The following PCDH15 variants were observed in gnomAD, a reference collection of about 807,000 sequenced individuals.
PCDH15 encodes the protein protocadherin related 15.
PCDH15 carries 129 observed loss-of-function variants against 178.5 expected under a neutral mutation model. That is an observed-to-expected ratio of 0.72 (90% CI 0.63 to 0.84). PCDH15 has a LOEUF of 0.84. PCDH15 is among the 40% of genes least tolerant of loss of function. The pLI, the probability that PCDH15 is intolerant of heterozygous loss-of-function variation, is 0.00. For missense variants in PCDH15, 2,230 were observed against 2,099.9 expected (o/e 1.06, Z -1.21); for synonymous variants, 800 against 732.0 (o/e 1.09, Z -1.50).
intron 15 of PCDH15, among the ~76,000 whole-genome samples, chr10:54,091,102 G>C (rs1448990023): frequency 6.6e-6 from 1 of 152,090 alleles, no homozygotes; most frequent in East Asian, 1.9e-4. Flanking sequence ...CTGAGGTCTG[G>C]AGTTTTACCT....
rs150346064 is a variant in PCDH15, at chr10:55,266,069, C to A, written c.-156+53530G>T. ...CCCATAGAAGGTTTAATACCTTTCA[C>A]CAGGGTGAAACACCTCAGGGTACAA... On this transcript the variant is annotated intron_variant, in intron 1 of 5. Transcript: ENST00000458638. Among the ~76,000 whole-genome samples the A allele has an allele frequency of 1.4e-3, 219 of 152,322 alleles. 5 individuals carry two copies. In the East Asian group the frequency reaches 0.031, roughly 22 times the overall value.
chr10:55,484,549 A>G (rs1840257391), intron 2 of PCDH15, among the ~76,000 whole-genome samples: 1 of 151,756 alleles, frequency 6.6e-6, no homozygotes, highest in Admixed American at 6.6e-5. Flanking sequence ...AATAATCCTA[A>G]AATATGTATG....
In PCDH15 at chr10:55,174,576, C is replaced by A. The variant is rs1839427360; in HGVS notation, c.-155-7925G>T. 1.3e-5 allele frequency among the ~76,000 whole-genome samples: 2 copies of A among 152,162 alleles called. 1 individual carries two copies. The highest frequency in any genetic ancestry group is 4.1e-4 in the South Asian group (2 of 4,826). On this transcript the variant is annotated intron_variant, in intron 1 of 5. Coordinates refer to the PCDH15 transcript ENST00000458638. Reference sequence around the variant, plus strand: ...CCTTGCATGATATTCCAAAGCTTTGCCAACATTGTAGAATTGATCTAGCCC... The same window carrying A: ...CCTTGCATGATATTCCAAAGCTTTGACAACATTGTAGAATTGATCTAGCCC...
chr10:55,270,304 A>C (rs542461355), intron 1 of PCDH15, among the ~76,000 whole-genome samples: 52 of 152,306 alleles, frequency 3.4e-4, no homozygotes, highest in African/African-American at 1.2e-3. Flanking sequence ...AATTAAACTA[A>C]AGAGTGTCTG....
chr10:55,034,999 A>G (rs1428306478), intron 2 of PCDH15, among the ~76,000 whole-genome samples: 1 of 152,170 alleles, frequency 6.6e-6, no homozygotes, highest in South Asian at 2.1e-4. Flanking sequence ...CTGGGAGGAT[A>G]CAGCTGCTTT....
intron 1 of PCDH15, among the ~76,000 whole-genome samples, chr10:55,311,792 T>C (rs1843592686): frequency 6.6e-6 from 1 of 152,180 alleles, no homozygotes; most frequent in South Asian, 2.1e-4. Context: ...GGTAACTCAC[T>C]GTACACTCAC....
At chr10:54,733,083 G>C (rs906041434) in intron 1 of PCDH15, among the ~76,000 whole-genome samples, 3 of 151,480 alleles carry the variant, frequency 2.0e-5, no homozygotes, top group East Asian at 3.9e-4. Flanking sequence ...GACAAAGCAA[G>C]TATATCTCTT....
intron 2 of PCDH15, among the ~76,000 whole-genome samples, chr10:55,392,252 C>A (rs1837810792): frequency 6.6e-6 from 1 of 152,110 alleles, no homozygotes; most frequent in Admixed American, 6.6e-5. Flanking sequence ...TGAGCACATT[C>A]TCTTGGAAAA....
At chr10:55,626,968 A>G (rs867191154) in intron 2 of PCDH15, among the ~76,000 whole-genome samples, 2 of 152,288 alleles carry the variant, frequency 1.3e-5, no homozygotes, top group Admixed American at 6.5e-5. Context: ...GAGAGAGAGA[A>G]AGAAGGAAGG....
At chr10:54,305,198 T>G (rs2060388970) in intron 8 of PCDH15, among the ~76,000 whole-genome samples, 1 of 152,054 alleles carries the variant, frequency 6.6e-6, no homozygotes, top group African/African-American at 2.4e-5. Context: ...TAAAATGCAT[T>G]AGCATGTCCT....
chr10:55,017,894 A>G (rs4363501), intron 2 of PCDH15, among the ~76,000 whole-genome samples: 58,832 of 151,892 alleles, frequency 0.39, 13,458 homozygotes, highest in East Asian at 0.5. Flanking sequence ...ACAATTATCA[A>G]ATTTTAATTT....
chr10:54,917,097 G>A (rs1379845570), intron 2 of PCDH15, among the ~76,000 whole-genome samples: 2 of 152,148 alleles, frequency 1.3e-5, no homozygotes, highest in South Asian at 2.1e-4. Context: ...CAATGCCTAT[G>A]GTACTGGACA....
intron 3 of PCDH15, among the ~76,000 whole-genome samples, chr10:54,443,016 T>A (rs766484761): frequency 6.6e-6 from 1 of 151,694 alleles, no homozygotes; most frequent in African/African-American, 2.4e-5. Context: ...GGTGAAATTA[T>A]GCTAAATAGT....
At chr10:54,779,410 A>ATATATATATACACACACATATGTGTG (rs1566220680) in intron 1 of PCDH15, among the ~76,000 whole-genome samples, 1 of 106,012 alleles carries the variant, frequency 9.4e-6, no homozygotes, top group Non-Finnish European at 1.9e-5. Context: ...ATATATGTAT[A>ATATATATATACACACACATATGTGTG]TATATATATA....
intron 1 of PCDH15, among the ~76,000 whole-genome samples, chr10:54,779,055 G>C (rs1320712670): frequency 6.6e-6 from 1 of 152,030 alleles, no homozygotes; most frequent in Non-Finnish European, 1.5e-5. Flanking sequence ...ATTCAGGAGA[G>C]AGATTAGAGA....
intron 2 of PCDH15, among the ~76,000 whole-genome samples, chr10:54,598,535 C>T (rs1046925959): frequency 5.9e-5 from 9 of 152,070 alleles, no homozygotes; most frequent in African/African-American, 2.2e-4. Flanking sequence ...TGGGCAAAAG[C>T]TGGAAGCACT....
At chr10:55,395,526 T>G (rs967051027) in intron 2 of PCDH15, among the ~76,000 whole-genome samples, 3 of 152,090 alleles carry the variant, frequency 2.0e-5, no homozygotes, top group African/African-American at 7.2e-5. Flanking sequence ...TGGAATACAT[T>G]AACATTTTTT....
chr10:54,639,628 A>T (rs548196988), intron 2 of PCDH15, among the ~76,000 whole-genome samples: 2 of 152,288 alleles, frequency 1.3e-5, no homozygotes, highest in Non-Finnish European at 2.9e-5. Flanking sequence ...TATTCAATAC[A>T]TTGAGTTGTT....
chr10:55,436,113 AAATT>A (rs1470991813), intron 2 of PCDH15, among the ~76,000 whole-genome samples: 3 of 152,098 alleles, frequency 2.0e-5, no homozygotes, highest in African/African-American at 7.2e-5. Flanking sequence ...TTAATTATGG[AAATT>A]AATTAAAGTG....
Sources: allele counts gnomAD v4.1 joint callset (sites outside exome capture counted in the v4.1 genomes callset), GRCh38; gene constraint gnomAD v4.1.1; transcripts MANE v1.5; gene names NCBI Gene and HGNC (gene_info 2026-07-23, HGNC 2026-07-21).